PDGFD: variants seen among roughly 807,000 people sequenced by gnomAD.
PDGFD encodes the protein platelet-derived growth factor D.
PDGFD carries 30 observed loss-of-function variants against 44.7 expected under a neutral mutation model. That is an observed-to-expected ratio of 0.67 (90% CI 0.50 to 0.91). The LOEUF (loss-of-function observed/expected upper bound fraction) is 0.91, where lower values mean the gene tolerates loss of function less well. PDGFD is among the 40% of genes least tolerant of loss of function. The pLI, the probability that PDGFD is intolerant of heterozygous loss-of-function variation, is 0.00. For synonymous variants in PDGFD, 173 were observed against 168.4 expected, an observed-to-expected ratio of 1.03 and a Z score of -0.21; for missense variants, 445 against 457.8, an observed-to-expected ratio of 0.97 and a Z score of 0.25.
intron 1 of PDGFD, among the ~76,000 whole-genome samples, chr11:104,157,375 C>T (rs1350673762): frequency 1.3e-5 from 2 of 152,192 alleles, no homozygotes; most frequent in Non-Finnish European, 2.9e-5. Flanking sequence ...AGGAACACTC[C>T]ACCCAGCAGT....
At chr11:103,994,881 CTT>C (rs35702032) in intron 3 of PDGFD, among the ~76,000 whole-genome samples, 150 of 136,332 alleles carry the variant, frequency 1.1e-3, no homozygotes, top group Admixed American at 2.1e-3. Context: ...GTTGCTATTC[CTT>C]TTTTTTTTTT....
rs142016557 is a variant in PDGFD, at chr11:104,061,292, A to C, written c.125-61037T>G. On this transcript the variant is annotated intron_variant, in intron 1 of 6. Coordinates refer to ENST00000393158, the MANE Select transcript of PDGFD (RefSeq NM_025208.5). ...AAAAAGGAAAAAAAAAAGTGTTAAA[A>C]CTGTATCAATTAAGAATGTCTGTTC... 8.5e-3 allele frequency among the ~76,000 whole-genome samples: 1,288 copies of C among 152,314 alleles called. 24 individuals are homozygous for C. The highest frequency in any genetic ancestry group is 0.029 in the African/African-American group (1,203 of 41,558).
chr11:103,983,032 A>G (rs543715642), intron 3 of PDGFD, among the ~76,000 whole-genome samples: 1 of 151,994 alleles, frequency 6.6e-6, no homozygotes, highest in Admixed American at 6.5e-5. Flanking sequence ...CCATTAAATT[A>G]CCACTGACAT....
chr11:103,924,519 CT>C (rs11299770), intron 6 of PDGFD, among the ~76,000 whole-genome samples: 80,256 of 151,914 alleles, frequency 0.53, 22,359 homozygotes, highest in African/African-American at 0.71. Flanking sequence ...ATTCTTATGA[CT>C]TAAGAAAATA....
At chr11:103,920,039 A>G (rs561725108) in intron 6 of PDGFD, among the ~76,000 whole-genome samples, 76 of 152,326 alleles carry the variant, frequency 5.0e-4, no homozygotes, top group African/African-American at 1.7e-3. Flanking sequence ...CTCAACCTGC[A>G]GGCAATAATC....
intron 1 of PDGFD, among the ~76,000 whole-genome samples, chr11:104,057,868 A>G (rs180919160): frequency 3.9e-5 from 6 of 152,334 alleles, no homozygotes; most frequent in African/African-American, 9.6e-5. Context: ...AGACCCATAC[A>G]TATAGGGTCA....
At chr11:103,926,407 A>C (rs771062465) in intron 6 of PDGFD, among the ~76,000 whole-genome samples, 58 of 152,220 alleles carry the variant, frequency 3.8e-4, no homozygotes, top group Non-Finnish European at 6.5e-4. Context: ...ACTTAATAAT[A>C]GTTAAAATAA....
intron 1 of PDGFD, among the ~76,000 whole-genome samples, chr11:104,058,817 T>C (rs946710674): frequency 3.3e-5 from 5 of 152,216 alleles, no homozygotes; most frequent in African/African-American, 1.2e-4. Context: ...GAGTGGACTA[T>C]GGATACATTC....
chr11:104,003,581 C>T (rs962223536), intron 1 of PDGFD, among the ~76,000 whole-genome samples: 1 of 152,256 alleles, frequency 6.6e-6, no homozygotes, highest in Non-Finnish European at 1.5e-5. Context: ...CAGCAGCATG[C>T]TAAGCCTAGA....
At chr11:103,928,230 T>C (rs908180974) in intron 5 of PDGFD, among the ~76,000 whole-genome samples, 6 of 152,260 alleles carry the variant, frequency 3.9e-5, no homozygotes, top group Non-Finnish European at 8.8e-5. Flanking sequence ...AATCCTCTTA[T>C]TGGTGCATAC....
chr11:103,949,666 G>A (rs1324414453), intron 3 of PDGFD, among the ~76,000 whole-genome samples: 1 of 152,206 alleles, frequency 6.6e-6, no homozygotes, highest in Non-Finnish European at 1.5e-5. Flanking sequence ...GTAGGATCAT[G>A]AGGAAATAAA....
chr11:104,151,631 C>G (rs1399327348), intron 1 of PDGFD, among the ~76,000 whole-genome samples: 10 of 152,104 alleles, frequency 6.6e-5, no homozygotes, highest in Non-Finnish European at 1.5e-4. Flanking sequence ...AAAATTAAGG[C>G]ATACTGGGTA....
intron 1 of PDGFD, among the ~76,000 whole-genome samples, chr11:104,093,274 C>G (rs1861236022): frequency 6.6e-6 from 1 of 151,828 alleles, no homozygotes; most frequent in Non-Finnish European, 1.5e-5. Flanking sequence ...TTTGAATCAT[C>G]CTACATGGGG....
At chr11:104,129,366 A>C (rs528634631) in intron 1 of PDGFD, among the ~76,000 whole-genome samples, 1 of 150,346 alleles carries the variant, frequency 6.7e-6, no homozygotes, top group Non-Finnish European at 1.5e-5. Context: ...ATTTAACAGC[A>C]CTTCTTGTCA....
intron 1 of PDGFD, among the ~76,000 whole-genome samples, chr11:104,134,716 T>C (rs1318602166): frequency 1.3e-5 from 2 of 152,214 alleles, no homozygotes; most frequent in African/African-American, 4.8e-5. Context: ...CTCCTGGAAG[T>C]TGAGGCAGTA....
intron 1 of PDGFD, among the ~76,000 whole-genome samples, chr11:104,015,541 G>A (rs1226983432): frequency 6.6e-6 from 1 of 152,170 alleles, no homozygotes; most frequent in Non-Finnish European, 1.5e-5. Context: ...TAAAGCAAAT[G>A]TGCACATAGG....
chr11:104,027,418 A>G (rs554100432), intron 1 of PDGFD, among the ~76,000 whole-genome samples: 1 of 152,358 alleles, frequency 6.6e-6, no homozygotes, highest in South Asian at 2.1e-4. Context: ...AAAAAATGAC[A>G]TACTTTGGTA....
intron 1 of PDGFD, among the ~76,000 whole-genome samples, chr11:104,138,139 G>C: frequency 6.6e-6 from 1 of 152,140 alleles, no homozygotes; most frequent in East Asian, 1.9e-4. Flanking sequence ...TCCATAAGTT[G>C]TGATAGCTAA....
intron 1 of PDGFD, among the ~76,000 whole-genome samples, chr11:104,029,034 A>G (rs761978566): frequency 6.6e-6 from 1 of 152,228 alleles, no homozygotes; most frequent in Non-Finnish European, 1.5e-5. Context: ...TCAATACATA[A>G]GTAAACAAGA....
Sources: gnomAD v4.1 joint callset for allele counts (sites outside exome capture counted in the v4.1 genomes callset) on GRCh38, gnomAD v4.1.1 for gene constraint, MANE v1.5 for transcripts, NCBI Gene and HGNC (gene_info 2026-07-23, HGNC 2026-07-21) for gene names.